The following SHQ1 variants were observed in gnomAD, a reference collection of about 807,000 sequenced individuals.
SHQ1 encodes protein SHQ1 homolog.
In SHQ1, 49 loss-of-function variants were observed where a neutral mutation model predicts 53.8. The ratio of observed to expected loss-of-function variants is 0.91; its 90% CI spans 0.72 to 1.16. The LOEUF (loss-of-function observed/expected upper bound fraction) is 1.16, where lower values mean the gene tolerates loss of function less well. SHQ1 is among the 50% of genes most tolerant of loss of function. The pLI is 0.00. For missense variants in SHQ1, 738 were observed against 683.1 expected (o/e 1.08, Z -0.90); for synonymous variants, 243 against 251.0 (o/e 0.97, Z 0.30).
At chr3:72,770,672 G>C (rs1428646387) in intron 10 of SHQ1, among the ~76,000 whole-genome samples, 1 of 152,192 alleles carries the variant, frequency 6.6e-6, no homozygotes. Context: ...AAGGTGTTCT[G>C]CTAATCACAG....
In SHQ1 at chr3:72,817,213, C is replaced by T. The variant is rs373949649; in HGVS notation, c.882+17G>A. The T allele has an allele frequency of 1.9e-4, 301 of 1,605,352 alleles. No individual in the cohort carries two copies. Among genetic ancestry groups the T allele is most frequent in the Non-Finnish European group, 2.3e-4 (271 of 1,175,644 alleles). On this transcript the variant is annotated intron_variant, in intron 7 of 10. Transcript: ENST00000325599. ...GCACAGTCATCTATGGCAACATGCA[C>T]ACATACATGCACTTACATTCTTCTC...
At chr3:72,803,740 A>C (rs1432909410) in intron 9 of SHQ1, among the ~76,000 whole-genome samples, 1 of 152,222 alleles carries the variant, frequency 6.6e-6, no homozygotes. Flanking sequence ...TATGTAAGTG[A>C]ATGAGCCTGT....
chr3:72,769,550 C>T (rs951391799), intron 10 of SHQ1, among the ~76,000 whole-genome samples: 1 of 152,202 alleles, frequency 6.6e-6, no homozygotes. Context: ...CTGCCTAGCA[C>T]ATCTTCCCCC....
chr3:72,779,246 GAA>G (rs1475280430), intron 10 of SHQ1, among the ~76,000 whole-genome samples: 7 of 152,056 alleles, frequency 4.6e-5, no homozygotes, highest in Middle Eastern at 3.4e-3. Flanking sequence ...GCAATTTCTT[GAA>G]AACATATAAA....
At chr3:72,780,505 A>G (rs1477567134) in intron 10 of SHQ1, among the ~76,000 whole-genome samples, 1 of 152,192 alleles carries the variant, frequency 6.6e-6, no homozygotes, top group East Asian at 1.9e-4. Flanking sequence ...ATAAAATCTA[A>G]ATTGGCTGGC....
the SHQ1 span, among the ~76,000 whole-genome samples, chr3:72,734,213 C>T: frequency 2.6e-5 from 4 of 151,204 alleles, no homozygotes; most frequent in African/African-American, 9.8e-5. Flanking sequence ...GAGCCTGGTG[C>T]TAAGTGTGTG....
intron 3 of SHQ1, among the ~76,000 whole-genome samples, 195 bp downstream of exon 3, chr3:72,842,084 GA>G (rs2106961108): frequency 6.6e-6 from 1 of 152,258 alleles, no homozygotes; most frequent in Non-Finnish European, 1.5e-5. Context: ...AAATGTGAGT[GA>G]TCTGGTTCAA....
intron 10 of SHQ1, among the ~76,000 whole-genome samples, chr3:72,755,061 C>T (rs1379142475): frequency 6.6e-6 from 1 of 152,134 alleles, no homozygotes; most frequent in Non-Finnish European, 1.5e-5. Context: ...AAAGCATACC[C>T]CACACACAGG....
chr3:72,784,607 G>T (rs1015610775), intron 10 of SHQ1, among the ~76,000 whole-genome samples: 1 of 152,186 alleles, frequency 6.6e-6, no homozygotes, highest in East Asian at 1.9e-4. Flanking sequence ...TACCAAGAAT[G>T]ATTTTAATCC....
chr3:72,800,811 C>T (rs1262392729), intron 9 of SHQ1, among the ~76,000 whole-genome samples: 2 of 152,126 alleles, frequency 1.3e-5, no homozygotes, highest in East Asian at 3.8e-4. Flanking sequence ...TTGTTTACTC[C>T]TTCCCTAATT....
At chr3:72,824,378 A>G (rs2106898697) in intron 6 of SHQ1, 46 bp downstream of exon 6, 1 of 1,605,926 alleles carries the variant, frequency 6.2e-7, no homozygotes, top group South Asian at 1.1e-5. Flanking sequence ...GTGGTACACC[A>G]TGAGATTTTA....
chr3:72,736,851 G>A, the SHQ1 span, among the ~76,000 whole-genome samples: 1,271 of 151,290 alleles, frequency 8.4e-3, 23 homozygotes, highest in African/African-American at 0.029. Context: ...ACAAAAACAG[G>A]CAGTGGGATG....
intron 2 of SHQ1, among the ~76,000 whole-genome samples, 200 bp from the exon 3 acceptor site, chr3:72,842,602 AAAAT>A (rs1484059608): frequency 1.3e-5 from 2 of 152,112 alleles, no homozygotes; most frequent in Non-Finnish European, 2.9e-5. Context: ...TTAAAAGAAA[AAAAT>A]AAATAAATAA....
At chr3:72,806,920 C>T (rs1706965914) in intron 9 of SHQ1, among the ~76,000 whole-genome samples, 1 of 152,106 alleles carries the variant, frequency 6.6e-6, no homozygotes, top group Non-Finnish European at 1.5e-5. Context: ...ATCTTAGCTC[C>T]CTAGGTAGTG....
At chr3:72,769,945 T>G (rs1029386155) in intron 10 of SHQ1, among the ~76,000 whole-genome samples, 1 of 152,176 alleles carries the variant, frequency 6.6e-6, no homozygotes, top group African/African-American at 2.4e-5. Context: ...AATTGTAACC[T>G]GGGGTGATAA....
chr3:72,832,589 TAAACC>T (rs967271867), intron 4 of SHQ1, 108 bp from the exon 5 acceptor site: 2 of 680,464 alleles, frequency 2.9e-6, no homozygotes, highest in African/African-American at 3.6e-5. Flanking sequence ...AACTGATCAG[TAAACC>T]ATGATGCCAC....
At chr3:72,732,847 C>T in the SHQ1 span, among the ~76,000 whole-genome samples, 757 of 151,562 alleles carry the variant, frequency 5.0e-3, 9 homozygotes, top group African/African-American at 0.017. Context: ...AGCGGAAGAA[C>T]CGCCCCCACT....
chr3:72,755,400 T>A (rs942068573), intron 10 of SHQ1, among the ~76,000 whole-genome samples: 2 of 152,208 alleles, frequency 1.3e-5, no homozygotes, highest in African/African-American at 4.8e-5. Flanking sequence ...TACCTCAAGC[T>A]GGCTAGCTTC....
chr3:72,764,221 T>A (rs1043859260), intron 10 of SHQ1, among the ~76,000 whole-genome samples: 1 of 152,026 alleles, frequency 6.6e-6, no homozygotes, highest in African/African-American at 2.4e-5. Context: ...TACTTACAAG[T>A]AGAAGAGGTG....
Sources: allele counts gnomAD v4.1 joint callset (sites outside exome capture counted in the v4.1 genomes callset), GRCh38; gene constraint gnomAD v4.1.1; transcripts MANE v1.5; gene names NCBI Gene and HGNC (gene_info 2026-07-23, HGNC 2026-07-21).